PXDNL: variants seen among roughly 807,000 people sequenced by gnomAD.
PXDNL encodes probable oxidoreductase PXDNL.
PXDNL carries 145 observed loss-of-function variants against 150.8 expected under a neutral mutation model. The observed-to-expected ratio is 0.96, with a 90% confidence interval of 0.84 to 1.10. PXDNL has a LOEUF of 1.10. PXDNL is among the 50% of genes least tolerant of loss of function. PXDNL has a pLI of 0.00. For missense variants in PXDNL, 2,087 were observed against 1,873.9 expected (o/e 1.11, Z -2.10); for synonymous variants, 757 against 725.7 (o/e 1.04, Z -0.69).
chr8:51,671,118 A>G (rs924846160), intron 1 of PXDNL, among the ~76,000 whole-genome samples: 4 of 152,342 alleles, frequency 2.6e-5, no homozygotes, highest in African/African-American at 9.6e-5. Flanking sequence ...TTGAACTAGT[A>G]TGAATTTTGC....
intron 21 of PXDNL, among the ~76,000 whole-genome samples, chr8:51,331,681 G>C (rs535694972): frequency 4.3e-4 from 66 of 152,236 alleles, no homozygotes; most frequent in African/African-American, 1.5e-3. Context: ...CGGTTTGCAT[G>C]GGAGCTGGAT....
intron 3 of PXDNL, among the ~76,000 whole-genome samples, chr8:51,578,190 C>T (rs1197569711): frequency 6.6e-6 from 1 of 151,566 alleles, no homozygotes; most frequent in African/African-American, 2.4e-5. Context: ...AAATATATTC[C>T]TGTTTACAGA....
At chr8:51,332,034 G>A (rs1425843766) in intron 21 of PXDNL, among the ~76,000 whole-genome samples, 1 of 152,070 alleles carries the variant, frequency 6.6e-6, no homozygotes, top group Non-Finnish European at 1.5e-5. Context: ...CACAAAAATA[G>A]AACATTAAAC....
At chr8:51,598,904 C>T (rs961558307) in intron 2 of PXDNL, among the ~76,000 whole-genome samples, 1 of 150,412 alleles carries the variant, frequency 6.6e-6, no homozygotes, top group African/African-American at 2.5e-5. Flanking sequence ...ATTACTGATT[C>T]AATTTTGGAA....
intron 12 of PXDNL, among the ~76,000 whole-genome samples, chr8:51,441,734 A>G (rs1454119182): frequency 6.6e-6 from 1 of 152,194 alleles, no homozygotes; most frequent in Non-Finnish European, 1.5e-5. Flanking sequence ...TGGTGACTTA[A>G]GCTATCTTTC....
At chr8:51,537,558 G>A (rs1270723273) in intron 4 of PXDNL, among the ~76,000 whole-genome samples, 2 of 152,154 alleles carry the variant, frequency 1.3e-5, no homozygotes, top group Non-Finnish European at 2.9e-5. Context: ...CTGTGAGCAA[G>A]CAAAGAGCAA....
At chr8:51,606,655 C>G (rs1178027450) in intron 2 of PXDNL, among the ~76,000 whole-genome samples, 1 of 151,912 alleles carries the variant, frequency 6.6e-6, no homozygotes, top group Non-Finnish European at 1.5e-5. Flanking sequence ...TTTCTAGTAG[C>G]CACATTTTAA....
chr8:51,739,535 A>G (rs1031580659), intron 1 of PXDNL, among the ~76,000 whole-genome samples: 2 of 152,164 alleles, frequency 1.3e-5, no homozygotes, highest in African/African-American at 4.8e-5. Context: ...AACAACTAAA[A>G]ATCTCCTAGA....
At chr8:51,441,290 T>A (rs193216891) in intron 12 of PXDNL, among the ~76,000 whole-genome samples, 34 of 152,306 alleles carry the variant, frequency 2.2e-4, no homozygotes, top group African/African-American at 7.9e-4. Flanking sequence ...TCTTTATAAA[T>A]TACCCAGTCT....
chr8:51,403,318 T>C (rs1808326010), intron 17 of PXDNL, among the ~76,000 whole-genome samples: 1 of 152,184 alleles, frequency 6.6e-6, no homozygotes, highest in Admixed American at 6.5e-5. Flanking sequence ...CAAATCCTTC[T>C]GGCAAATGCT....
chr8:51,464,736 G>A (rs1415080255), intron 8 of PXDNL, among the ~76,000 whole-genome samples: 2 of 152,138 alleles, frequency 1.3e-5, no homozygotes, highest in African/African-American at 4.8e-5. Flanking sequence ...GGAGCTAGGG[G>A]AGGGATAGCA....
At chr8:51,559,540 GAA>G (rs1812677655) in intron 3 of PXDNL, among the ~76,000 whole-genome samples, 1 of 151,944 alleles carries the variant, frequency 6.6e-6, no homozygotes, top group Admixed American at 6.6e-5. Flanking sequence ...CAAAACCAGA[GAA>G]AGAGAGCATT....
chr8:51,452,937 C>CAGATACACACACACACACACACACAA (rs1809840818), intron 10 of PXDNL, among the ~76,000 whole-genome samples: 1 of 149,862 alleles, frequency 6.7e-6, no homozygotes, highest in African/African-American at 2.5e-5. Context: ...CACACACAAA[C>CAGATACACACACACACACACACACAA]ACACACACAC....
chr8:51,718,211 G>A (rs1039004587), intron 1 of PXDNL, among the ~76,000 whole-genome samples: 1 of 152,136 alleles, frequency 6.6e-6, no homozygotes, highest in African/African-American at 2.4e-5. Context: ...CAACACCACA[G>A]CCACAGGCAG....
chr8:51,657,818 G>T (rs1815182896), intron 1 of PXDNL, among the ~76,000 whole-genome samples: 1 of 152,192 alleles, frequency 6.6e-6, no homozygotes, highest in Admixed American at 6.5e-5. Flanking sequence ...TGATTTGAAA[G>T]CCAAGGTGCT....
At chr8:51,349,226 C>G (rs1455093991) in intron 19 of PXDNL, among the ~76,000 whole-genome samples, 1 of 151,930 alleles carries the variant, frequency 6.6e-6, no homozygotes, top group African/African-American at 2.4e-5. Context: ...TTGGTTGCCC[C>G]CACCCTGACG....
chr8:51,758,359 G>T (rs1362409019), intron 1 of PXDNL, among the ~76,000 whole-genome samples: 4 of 152,196 alleles, frequency 2.6e-5, no homozygotes, highest in Middle Eastern at 3.4e-3. Context: ...AGTAATTCCC[G>T]ACCATATTTG....
intron 1 of PXDNL, among the ~76,000 whole-genome samples, chr8:51,789,236 G>A (rs2037488928): frequency 1.3e-5 from 2 of 151,200 alleles, no homozygotes; most frequent in Admixed American, 1.3e-4. Flanking sequence ...TACTCATACG[G>A]TGAGTTCAAT....
intron 9 of PXDNL, among the ~76,000 whole-genome samples, chr8:51,456,491 T>C (rs1809940716): frequency 6.6e-6 from 1 of 152,224 alleles, no homozygotes; most frequent in African/African-American, 2.4e-5. Context: ...GAGCCGGCTC[T>C]GGAGAGCCAG....
Sources: gnomAD v4.1 joint callset for allele counts (sites outside exome capture counted in the v4.1 genomes callset) on GRCh38, gnomAD v4.1.1 for gene constraint, MANE v1.5 for transcripts, NCBI Gene and HGNC (gene_info 2026-07-23, HGNC 2026-07-21) for gene names.